NSMCE2: variants seen among roughly 807,000 people sequenced by gnomAD.
NSMCE2 encodes the protein NSE2 SUMO ligase component of SMC5/6 complex, also known as E3 SUMO-protein ligase NSE2.
Under a neutral mutation model 23.8 loss-of-function variants are expected in NSMCE2, and 24 were observed. The observed-to-expected ratio is 1.01, with a 90% CI of 0.73 to 1.42. The LOEUF is 1.42. NSMCE2 is among the 40% of genes most tolerant of loss of function. NSMCE2 has a pLI of 0.00. For synonymous variants in NSMCE2, 92 were observed against 94.1 expected (o/e 0.98, Z 0.13); for missense variants, 284 against 296.5 (o/e 0.96, Z 0.31).
chr8:125,212,434 G>A (rs1260277417), intron 5 of NSMCE2, among the ~76,000 whole-genome samples: 3 of 152,084 alleles, frequency 2.0e-5, no homozygotes, highest in African/African-American at 4.8e-5. Context: ...GTGAGAGCCC[G>A]GTATGTGCAG....
intron 5 of NSMCE2, among the ~76,000 whole-genome samples, chr8:125,196,767 G>A (rs546359812): frequency 4.6e-5 from 7 of 152,172 alleles, no homozygotes; most frequent in Middle Eastern, 3.2e-3. Context: ...GATCCTTGAG[G>A]AATTGCCCAA....
intron 5 of NSMCE2, among the ~76,000 whole-genome samples, chr8:125,305,273 T>C (rs1828715003): frequency 6.6e-6 from 1 of 152,232 alleles, no homozygotes; most frequent in Non-Finnish European, 1.5e-5. Flanking sequence ...GAGTAAGTAG[T>C]ATCATTGCCA....
chr8:125,179,793 C>G (rs531131825), intron 4 of NSMCE2, among the ~76,000 whole-genome samples: 5 of 152,190 alleles, frequency 3.3e-5, no homozygotes, highest in Non-Finnish European at 5.9e-5. Context: ...TCACTGCCCC[C>G]ACTCAGTCTT....
chr8:125,122,129 A>G (rs1352796172), intron 3 of NSMCE2, among the ~76,000 whole-genome samples: 1 of 145,436 alleles, frequency 6.9e-6, no homozygotes, highest in Non-Finnish European at 1.5e-5. Context: ...AGTCCATTCT[A>G]TGCCAACTCT....
At chr8:125,316,305 G>A (rs999911828) in intron 5 of NSMCE2, among the ~76,000 whole-genome samples, 2 of 152,256 alleles carry the variant, frequency 1.3e-5, no homozygotes, top group East Asian at 3.8e-4. Context: ...ATTGTGAGAA[G>A]CATATGGCCC....
intron 4 of NSMCE2, among the ~76,000 whole-genome samples, chr8:125,175,948 C>T (rs1586565869): frequency 6.6e-6 from 1 of 152,162 alleles, no homozygotes; most frequent in Non-Finnish European, 1.5e-5. Context: ...CCTGAAACAA[C>T]AAGCCTCTAT....
chr8:125,136,252 G>A (rs1035956751), intron 3 of NSMCE2, among the ~76,000 whole-genome samples: 2 of 152,082 alleles, frequency 1.3e-5, no homozygotes, highest in African/African-American at 4.8e-5. Flanking sequence ...CAACATCATG[G>A]AAGAACTATT....
intron 5 of NSMCE2, among the ~76,000 whole-genome samples, chr8:125,188,966 C>A (rs1823228851): frequency 6.6e-6 from 1 of 152,114 alleles, no homozygotes; most frequent in Non-Finnish European, 1.5e-5. Context: ...GAGAAGTAAA[C>A]CAAGGTAGTG....
intron 3 of NSMCE2, among the ~76,000 whole-genome samples, chr8:125,118,691 G>T (rs1663273363): frequency 6.6e-6 from 1 of 152,128 alleles, no homozygotes; most frequent in South Asian, 2.1e-4. Flanking sequence ...TATATAAAAA[G>T]TAAAAATGTG....
At chr8:125,259,152 C>T (rs1051238243) in intron 5 of NSMCE2, among the ~76,000 whole-genome samples, 4 of 152,108 alleles carry the variant, frequency 2.6e-5, no homozygotes, top group Admixed American at 2.6e-4. Context: ...CCGCCCACTT[C>T]ATGCTGGGAT....
At chr8:125,187,186 C>T (rs1823145878) in intron 5 of NSMCE2, among the ~76,000 whole-genome samples, 1 of 152,186 alleles carries the variant, frequency 6.6e-6, no homozygotes, top group Admixed American at 6.5e-5. Context: ...TAGCAGCCTA[C>T]TCTCCCTTCA....
At chr8:125,216,220 A>G (rs1460961311) in intron 5 of NSMCE2, among the ~76,000 whole-genome samples, 1 of 152,226 alleles carries the variant, frequency 6.6e-6, no homozygotes, top group Non-Finnish European at 1.5e-5. Context: ...CTTATCTGTC[A>G]ATGGACATTT....
chr8:125,322,620 A>G (rs1260335988), intron 5 of NSMCE2, among the ~76,000 whole-genome samples: 1 of 152,234 alleles, frequency 6.6e-6, no homozygotes, highest in Non-Finnish European at 1.5e-5. Context: ...TCAAACAAGT[A>G]CAATAAGGTA....
At chr8:125,212,163 G>T (rs1017884708) in intron 5 of NSMCE2, among the ~76,000 whole-genome samples, 2 of 152,178 alleles carry the variant, frequency 1.3e-5, no homozygotes, top group Non-Finnish European at 2.9e-5. Context: ...GTTGCTACAC[G>T]TGTGAATCTC....
chr8:125,106,970 T>C (rs1818492783), intron 3 of NSMCE2, among the ~76,000 whole-genome samples: 1 of 151,264 alleles, frequency 6.6e-6, no homozygotes, highest in Admixed American at 6.6e-5. Flanking sequence ...CACTCCAGCC[T>C]AAGTGAAAGG....
intron 4 of NSMCE2, among the ~76,000 whole-genome samples, chr8:125,166,943 A>G (rs989670325): frequency 6.6e-6 from 1 of 152,178 alleles, no homozygotes; most frequent in Non-Finnish European, 1.5e-5. Context: ...GCAGGAGTAT[A>G]AGGATGCAGG....
chr8:125,208,336 A>G (rs997732402), intron 5 of NSMCE2, among the ~76,000 whole-genome samples: 1 of 152,232 alleles, frequency 6.6e-6, no homozygotes, highest in Non-Finnish European at 1.5e-5. Flanking sequence ...TTTGTTAAGT[A>G]TCTTTAACTG....
intron 5 of NSMCE2, among the ~76,000 whole-genome samples, chr8:125,346,663 T>C (rs1830444359): frequency 6.6e-6 from 1 of 152,192 alleles, no homozygotes. Context: ...AGCCTTTTCT[T>C]ATAAGAGGTA....
chr8:125,360,234 C>T (rs576848276), intron 7 of NSMCE2, among the ~76,000 whole-genome samples: 4 of 152,230 alleles, frequency 2.6e-5, no homozygotes, highest in East Asian at 1.9e-4. Flanking sequence ...AATACAGCCC[C>T]GTGGAAGTGT....
Sources: allele counts gnomAD v4.1 joint callset (sites outside exome capture counted in the v4.1 genomes callset), GRCh38; gene constraint gnomAD v4.1.1; transcripts MANE v1.5; gene names NCBI Gene and HGNC (gene_info 2026-07-23, HGNC 2026-07-21).